The following WDPCP variants were observed in gnomAD, a reference collection of about 807,000 sequenced individuals.
WDPCP encodes the protein WD repeat containing planar cell polarity effector.
WDPCP carries 71 observed loss-of-function variants against 93.1 expected under a neutral mutation model. The observed-to-expected ratio is 0.76, with a 90% CI of 0.63 to 0.93. The LOEUF (loss-of-function observed/expected upper bound fraction) is 0.93, where lower values mean the gene tolerates loss of function less well. WDPCP is among the 40% of genes least tolerant of loss of function. WDPCP has a pLI of 0.00. For missense variants in WDPCP, 844 were observed against 887.4 expected, an observed-to-expected ratio of 0.95 and a Z score of 0.62; for synonymous variants, 315 against 315.0, an observed-to-expected ratio of 1.00 and a Z score of 0.00.
chr2:63,188,601 T>C (rs576275424), intron 14 of WDPCP, among the ~76,000 whole-genome samples: 114 of 152,238 alleles, frequency 7.5e-4, no homozygotes, highest in African/African-American at 2.6e-3. Flanking sequence ...CCCAAAGTGC[T>C]AGGATCAGAG....
intron 2 of WDPCP, among the ~76,000 whole-genome samples, chr2:63,692,667 A>G (rs1164201388): frequency 2.0e-5 from 3 of 152,244 alleles, no homozygotes; most frequent in African/African-American, 7.2e-5. Context: ...TAGGCCTTAA[A>G]TGATTTTTGA....
chr2:63,350,472 A>G (rs1161902621), intron 12 of WDPCP, among the ~76,000 whole-genome samples: 2 of 104,632 alleles, frequency 1.9e-5, no homozygotes, highest in South Asian at 5.7e-4. Flanking sequence ...AAATCAACGA[A>G]ACCCAAAAAA....
chr2:63,435,452 G>C (rs1400796544), intron 8 of WDPCP, among the ~76,000 whole-genome samples: 1 of 152,030 alleles, frequency 6.6e-6, no homozygotes, highest in African/African-American at 2.4e-5. Flanking sequence ...CTTCTTATTT[G>C]AGAGAAATAC....
chr2:63,639,223 G>A (rs188112010), intron 3 of WDPCP, among the ~76,000 whole-genome samples: 14 of 152,292 alleles, frequency 9.2e-5, no homozygotes, highest in African/African-American at 3.4e-4. Flanking sequence ...GTGACAGAGT[G>A]AGACTCCATC....
At chr2:63,141,203 C>T (rs939341805) in intron 17 of WDPCP, among the ~76,000 whole-genome samples, 1 of 151,998 alleles carries the variant, frequency 6.6e-6, no homozygotes, top group Non-Finnish European at 1.5e-5. Flanking sequence ...CTCAGCCTCC[C>T]GAGTAGTTGG....
intron 12 of WDPCP, among the ~76,000 whole-genome samples, chr2:63,375,576 G>A (rs1411885987): frequency 6.6e-6 from 1 of 151,738 alleles, no homozygotes; most frequent in Admixed American, 6.6e-5. Flanking sequence ...TTAAAGTTTA[G>A]ATTTGTTTGG....
chr2:63,210,953 C>G (rs1012564613), intron 14 of WDPCP, among the ~76,000 whole-genome samples: 1 of 152,186 alleles, frequency 6.6e-6, no homozygotes, highest in African/African-American at 2.4e-5. Context: ...AACAAAGCAG[C>G]CAGGAAGCTC....
At chr2:63,745,955 G>C (rs1047507606) in intron 2 of WDPCP, among the ~76,000 whole-genome samples, 14 of 152,094 alleles carry the variant, frequency 9.2e-5, no homozygotes, top group East Asian at 3.9e-4. Flanking sequence ...CTGATAGATA[G>C]GAAATATCTC....
intron 6 of WDPCP, among the ~76,000 whole-genome samples, chr2:63,449,367 A>C (rs116151693): frequency 0.014 from 2,099 of 152,270 alleles, 45 homozygotes; most frequent in African/African-American, 0.049. Flanking sequence ...TAGAGACATC[A>C]GATACCCCCC....
intron 14 of WDPCP, among the ~76,000 whole-genome samples, chr2:63,192,025 G>A (rs1675088014): frequency 6.6e-6 from 1 of 152,046 alleles, no homozygotes; most frequent in African/African-American, 2.4e-5. Context: ...AATTTGCTCA[G>A]CCTTGATGCA....
chr2:63,288,780 G>A (rs1327934447), intron 13 of WDPCP, among the ~76,000 whole-genome samples: 1 of 152,028 alleles, frequency 6.6e-6, no homozygotes, highest in Non-Finnish European at 1.5e-5. Context: ...TCCATTTCTT[G>A]ATGCATTTAG....
chr2:63,629,973 T>C (rs1334205132), intron 3 of WDPCP, among the ~76,000 whole-genome samples: 1 of 152,240 alleles, frequency 6.6e-6, no homozygotes, highest in Non-Finnish European at 1.5e-5. Flanking sequence ...AATACTGAGA[T>C]GACAGAAACG....
chr2:63,280,576 C>G (rs534591502), intron 13 of WDPCP, among the ~76,000 whole-genome samples: 1 of 152,254 alleles, frequency 6.6e-6, no homozygotes. Flanking sequence ...CAACTTCAAA[C>G]CATACCCTAA....
chr2:63,543,746 G>C (rs890814941), intron 1 of WDPCP, among the ~76,000 whole-genome samples: 7 of 152,126 alleles, frequency 4.6e-5, no homozygotes, highest in African/African-American at 1.4e-4. Flanking sequence ...AGTTTTAACT[G>C]ATCAACAATT....
intron 12 of WDPCP, among the ~76,000 whole-genome samples, chr2:63,354,212 C>T (rs1313126235): frequency 5.9e-5 from 9 of 152,308 alleles, no homozygotes. Flanking sequence ...GACAAGGAAC[C>T]CCTGGCTTGG....
chr2:63,212,148 T>C (rs1676873094), intron 14 of WDPCP, among the ~76,000 whole-genome samples: 1 of 151,972 alleles, frequency 6.6e-6, no homozygotes, highest in Non-Finnish European at 1.5e-5. Context: ...GAAGAGCAAC[T>C]CCAGGACACA....
chr2:63,394,932 G>C (rs1448847126), intron 10 of WDPCP, among the ~76,000 whole-genome samples: 1 of 152,012 alleles, frequency 6.6e-6, no homozygotes, highest in East Asian at 1.9e-4. Context: ...ACTGCCTATT[G>C]AATACTGTAC....
intron 2 of WDPCP, among the ~76,000 whole-genome samples, chr2:63,710,081 G>A (rs181846249): frequency 2.0e-4 from 31 of 152,240 alleles, no homozygotes; most frequent in African/African-American, 7.0e-4. Flanking sequence ...TTGCCCCTCC[G>A]GATCTACTTT....
intron 12 of WDPCP, among the ~76,000 whole-genome samples, chr2:63,361,071 T>C (rs1690410994): frequency 6.6e-6 from 1 of 152,210 alleles, no homozygotes; most frequent in Admixed American, 6.5e-5. Context: ...GTAGAGTGTT[T>C]TCGTGACAAG....
Sources: gnomAD v4.1 joint callset for allele counts (sites outside exome capture counted in the v4.1 genomes callset) on GRCh38, gnomAD v4.1.1 for gene constraint, MANE v1.5 for transcripts, NCBI Gene and HGNC (gene_info 2026-07-23, HGNC 2026-07-21) for gene names.